The following PPM1L variants were observed in gnomAD, a reference collection of about 807,000 sequenced individuals.
PPM1L encodes protein phosphatase, Mg2+/Mn2+ dependent 1L.
A neutral mutation model predicts 31.4 loss-of-function variants in PPM1L; 13 were observed. The ratio of observed to expected loss-of-function variants is 0.41; its 90% CI spans 0.27 to 0.66. PPM1L has a LOEUF of 0.66. PPM1L is among the 30% of genes least tolerant of loss of function. The pLI, the probability that PPM1L is intolerant of heterozygous loss-of-function variation, is 0.29. For synonymous variants in PPM1L, 184 were observed against 175.4 expected (o/e 1.05, Z -0.39); for missense variants, 326 against 453.7 (o/e 0.72, Z 2.56).
chr3:160,803,921 A>G lies in PPM1L; in HGVS notation c.399+47214A>G, dbSNP rs117401933. 6.1e-4 allele frequency among the ~76,000 whole-genome samples: 93 copies of G among 152,136 alleles called. 1 individual carries two copies. In the East Asian group the frequency reaches 0.016, roughly 27 times the overall value. The stretch of plus-strand genomic sequence containing the variant: ...ATTATTAAATGTAATTTATTTATTT[A>G]TTTATTCATTTTTTGAGACGGAGTC... On this transcript the variant is annotated intron_variant, in intron 1 of 3. Coordinates refer to ENST00000498165, the MANE Select transcript of PPM1L (RefSeq NM_139245.4).
chr3:160,902,450 G>T (rs1216111055), intron 1 of PPM1L, among the ~76,000 whole-genome samples: 2 of 152,018 alleles, frequency 1.3e-5, no homozygotes, highest in Non-Finnish European at 2.9e-5. Flanking sequence ...AGGAACACAG[G>T]TGGAGAAGAA....
chr3:161,046,175 A>C (rs915729616), intron 2 of PPM1L, among the ~76,000 whole-genome samples: 1 of 151,662 alleles, frequency 6.6e-6, no homozygotes, highest in Non-Finnish European at 1.5e-5. Flanking sequence ...AGATCAACAA[A>C]ATTGATAGAC....
Position 160,929,217 on chromosome 3 carries a change from C to T in PPM1L, c.400-32519C>T, listed in dbSNP as rs201810593. Among the ~76,000 whole-genome samples the T allele has an allele frequency of 1.2e-4, 18 of 152,162 alleles. No individual in the cohort carries two copies. The East Asian group carries it at 3.5e-3, about 29-fold the overall frequency. ...ATTCAGTAGAGGAAGCTCCTCCCTA[C>T]CCCAAAATGAAAACTTGGGTGGTCC... is the stretch of plus-strand genomic sequence containing the variant. On this transcript the variant is annotated intron_variant, in intron 1 of 3. Transcript: ENST00000498165.
intron 1 of PPM1L, among the ~76,000 whole-genome samples, chr3:160,807,982 T>C (rs1223970238): frequency 6.6e-6 from 1 of 152,104 alleles, no homozygotes; most frequent in Non-Finnish European, 1.5e-5. Context: ...TCTGGGAGAG[T>C]GTTATGACGA....
At chr3:160,995,014 G>A (rs1045903675) in intron 2 of PPM1L, among the ~76,000 whole-genome samples, 3 of 152,022 alleles carry the variant, frequency 2.0e-5, no homozygotes, top group Admixed American at 1.3e-4. Context: ...GAGATGATGA[G>A]GAAGGTTGTA....
chr3:160,785,638 A>G (rs144373999), intron 1 of PPM1L, among the ~76,000 whole-genome samples: 362 of 152,294 alleles, frequency 2.4e-3, no homozygotes, highest in African/African-American at 8.4e-3. Flanking sequence ...ACTCTTCTGC[A>G]CTGTGGACTT....
At chr3:160,891,758 C>T (rs1315765930) in intron 1 of PPM1L, among the ~76,000 whole-genome samples, 1 of 152,150 alleles carries the variant, frequency 6.6e-6, no homozygotes, top group African/African-American at 2.4e-5. Context: ...AAATGCCCAT[C>T]AGTGATAGAC....
chr3:160,846,795 T>C (rs1263855387), intron 1 of PPM1L, among the ~76,000 whole-genome samples: 1 of 152,188 alleles, frequency 6.6e-6, no homozygotes, highest in African/African-American at 2.4e-5. Flanking sequence ...CTTTTTAATA[T>C]GTTCACAAAG....
At chr3:160,792,138 T>C (rs1225059235) in intron 1 of PPM1L, among the ~76,000 whole-genome samples, 1 of 152,174 alleles carries the variant, frequency 6.6e-6, no homozygotes, top group East Asian at 1.9e-4. Context: ...TACTTTTATA[T>C]AGTGAAGTAG....
chr3:160,868,487 T>C (rs1273151313), intron 1 of PPM1L, among the ~76,000 whole-genome samples: 1 of 151,896 alleles, frequency 6.6e-6, no homozygotes, highest in Non-Finnish European at 1.5e-5. Context: ...TGTCAGATCA[T>C]TTATTTAATT....
intron 1 of PPM1L, among the ~76,000 whole-genome samples, chr3:160,917,344 T>C (rs1714219319): frequency 6.6e-6 from 1 of 152,134 alleles, no homozygotes; most frequent in Non-Finnish European, 1.5e-5. Flanking sequence ...TACTTTATTA[T>C]GTAAACTATA....
chr3:160,796,314 C>A (rs1712249220), intron 1 of PPM1L, among the ~76,000 whole-genome samples: 1 of 152,112 alleles, frequency 6.6e-6, no homozygotes. Context: ...TAGGTGGGGT[C>A]TGGGGCAGGG....
intron 2 of PPM1L, among the ~76,000 whole-genome samples, chr3:161,008,947 A>G (rs1717798043): frequency 6.6e-6 from 1 of 152,202 alleles, no homozygotes; most frequent in Non-Finnish European, 1.5e-5. Flanking sequence ...ATTTAAAGCC[A>G]GTAGACTAGA....
intron 1 of PPM1L, among the ~76,000 whole-genome samples, chr3:160,817,471 A>C (rs1361493320): frequency 6.6e-6 from 1 of 152,084 alleles, no homozygotes; most frequent in African/African-American, 2.4e-5. Context: ...AATTGGATGT[A>C]TATGATTACC....
chr3:160,982,313 G>C (rs1716827912), intron 2 of PPM1L, among the ~76,000 whole-genome samples: 1 of 152,050 alleles, frequency 6.6e-6, no homozygotes. Context: ...CACTGTGCCT[G>C]GGCATCTCGA....
intron 2 of PPM1L, among the ~76,000 whole-genome samples, chr3:160,987,438 A>G (rs1233207049): frequency 1.3e-5 from 2 of 152,184 alleles, no homozygotes; most frequent in Non-Finnish European, 1.5e-5. Context: ...GGCAAACTAC[A>G]TATATATTTC....
Position 160,756,583 on chromosome 3 carries a change from A to T in PPM1L, c.275A>T (p.Asn92Ile). 1 of 1,614,130 alleles carries T rather than the reference A, an allele frequency of 6.2e-7. No homozygotes were observed. The highest frequency in any genetic ancestry group is 8.5e-7 in the Non-Finnish European group (1 of 1,180,018). Residue 92 changes from asparagine (N) to isoleucine (I), a missense_variant, in exon 1 of 4, where the codon AAC (asparagine) becomes ATC (isoleucine). Transcript: ENST00000498165. The surrounding 1 kb of genome is among the most constrained non-coding windows in gnomAD (Gnocchi z 6.2). ...FSKTWEFKNH[N>I]VAVYSIQGRR... The stretch of plus-strand genomic sequence containing the variant: ...AAGACCTGGGAGTTCAAGAACCACA[A>T]CGTGGCGGTGTACTCCATCCAGGGC...
chr3:160,929,537 A>G (rs530303432), intron 1 of PPM1L, among the ~76,000 whole-genome samples: 1 of 152,344 alleles, frequency 6.6e-6, no homozygotes, highest in Non-Finnish European at 1.5e-5. Flanking sequence ...TGATAGTGAC[A>G]CATGGCTTCA....
At chr3:160,953,495 C>T (rs530915281) in intron 1 of PPM1L, among the ~76,000 whole-genome samples, 156 of 152,136 alleles carry the variant, frequency 1.0e-3, no homozygotes, top group African/African-American at 3.4e-3. Flanking sequence ...AAATGAGTAA[C>T]GTAACAAAAT....
Sources: allele counts gnomAD v4.1 joint callset (sites outside exome capture counted in the v4.1 genomes callset), GRCh38; gene constraint gnomAD v4.1.1; non-coding constraint Gnocchi (gnomAD v3.1); transcripts MANE v1.5; gene names NCBI Gene and HGNC (gene_info 2026-07-23, HGNC 2026-07-21).